The following SMG6 variants were observed in gnomAD, a reference collection of about 807,000 sequenced individuals.
SMG6 encodes SMG6 nonsense mediated mRNA decay factor.
Under a neutral mutation model 142.2 loss-of-function variants are expected in SMG6, and 66 were observed. The observed-to-expected ratio is 0.46, with a 90% CI of 0.38 to 0.57. The LOEUF is 0.57. SMG6 is among the 20% of genes least tolerant of loss of function. The pLI, the probability that SMG6 is intolerant of heterozygous loss-of-function variation, is 0.00. For synonymous variants in SMG6, 779 were observed against 702.4 expected, an observed-to-expected ratio of 1.11 and a Z score of -1.72; for missense variants, 1,793 against 1,832.0, an observed-to-expected ratio of 0.98 and a Z score of 0.39.
At position 2,240,104 on chromosome 17, in the gene SMG6, G is replaced by A. The variant is rs560449569; in HGVS notation, c.2724-3467C>T. On this transcript the variant is annotated intron_variant, in intron 9 of 18. Transcript: ENST00000263073. Reference sequence around the variant, plus strand: ...CCGACTGAGTACTTCTCCCGAATCCGAGATGACTCTGTCCCTATCCTTTAA... The same window carrying A: ...CCGACTGAGTACTTCTCCCGAATCCAAGATGACTCTGTCCCTATCCTTTAA... The A allele has an allele frequency of 1.5e-4, 23 of 152,340 alleles. No individual in the cohort carries two copies. In the East Asian group the frequency reaches 4.1e-3, roughly 27 times the overall value. 9.4% of individuals were successfully genotyped at this position (152,340 alleles called of 1,614,324 possible).
At chr17:2,193,699 A>T (rs185170945) in intron 10 of SMG6, among the ~76,000 whole-genome samples, 1 of 152,380 alleles carries the variant, frequency 6.6e-6, no homozygotes, top group African/African-American at 2.4e-5. Context: ...GGAAGAATAC[A>T]TACCTACTCA....
At chr17:2,088,712 GCA>G (rs1372050468) in intron 13 of SMG6, 3 of 985,292 alleles carry the variant, frequency 3.0e-6, no homozygotes, top group Non-Finnish European at 3.6e-6. Context: ...AGTGAGAAGT[GCA>G]CAGTCTGAGC....
rs566677037 is a variant in SMG6 at position 2,137,407 on chromosome 17, C to T, written c.3357+35251G>A. On this transcript the variant is annotated intron_variant, in intron 13 of 18. Transcript: ENST00000263073. ...GCTGCTATTCAGGTGCTCATGTTTT[C>T]GATGTGAGCCAAAGTGTCATTCCTT... is the stretch of plus-strand genomic sequence containing the variant. Among the ~76,000 whole-genome samples the T allele has an allele frequency of 2.0e-4, 31 of 152,150 alleles. 1 individual carries two copies. The East Asian group carries it at 5.6e-3, about 27-fold the overall frequency.
chr17:2,247,158 G>A (rs778942537), intron 8 of SMG6, among the ~76,000 whole-genome samples: 11 of 152,098 alleles, frequency 7.2e-5, no homozygotes, highest in Non-Finnish European at 1.2e-4. Flanking sequence ...CTTAGGCAAC[G>A]GATCTAAATG....
Position 2,298,190 on chromosome 17 carries a change from A to T in SMG6, c.1848-135T>A, listed in dbSNP as rs548986900. The stretch of plus-strand genomic sequence containing the variant: ...ATGTGACCAGGTAGGTATACTACTC[A>T]CTCTGGTTTCCATTCTGCAGAGCAG... On this transcript the variant is annotated intron_variant, in intron 2 of 18. Transcript: ENST00000263073. 28 of 703,834 alleles carry T rather than the reference A, an allele frequency of 4.0e-5. No homozygotes were observed. The African/African-American group carries it at 4.7e-4, about 12-fold the overall frequency. 43.6% of individuals were successfully genotyped at this position (703,834 alleles called of 1,614,324 possible).
rs1555528757 is a variant in SMG6, at chr17:2,061,464, A to AG, written c.*27_*28insC. Reference sequence around the variant, plus strand: ...CTGGTGGCCTTTCAGGAACGGTTCCACGGGGGGGGGGCCCCAGTGTGGCTC... The same window carrying AG: ...CTGGTGGCCTTTCAGGAACGGTTCCAGCGGGGGGGGGGCCCCAGTGTGGCTC... On this transcript the variant is annotated 3_prime_UTR_variant, in exon 19 of 19. Transcript: ENST00000263073. 1.6e-6 allele frequency: 2 copies of AG among 1,240,032 alleles called. No individual in the cohort carries two copies. Among genetic ancestry groups the AG allele is most frequent in the South Asian group, 2.6e-5 (2 of 77,634 alleles). The allele number at this position is 1,240,032 out of a possible 1,614,324, so 76.8% of individuals were successfully genotyped here. A position where few individuals can be genotyped will look rare whatever the true frequency, so the allele number is the denominator to read the frequency against.
chr17:2,145,100 T>C (rs1045376889), intron 13 of SMG6, among the ~76,000 whole-genome samples: 23 of 152,116 alleles, frequency 1.5e-4, no homozygotes, highest in Admixed American at 9.8e-4. Context: ...TAGCATTTTA[T>C]GTTATTTATT....
At chr17:2,228,288 G>A (rs1399278519) in intron 10 of SMG6, among the ~76,000 whole-genome samples, 1 of 152,044 alleles carries the variant, frequency 6.6e-6, no homozygotes, top group Non-Finnish European at 1.5e-5. Context: ...GAGTACAGTG[G>A]CACAATCTTG....
intron 10 of SMG6, among the ~76,000 whole-genome samples, chr17:2,211,691 C>T (rs1377044877): frequency 6.7e-6 from 1 of 149,014 alleles, no homozygotes; most frequent in African/African-American, 2.5e-5. Flanking sequence ...AAAGGGCGTT[C>T]TTTGACCTTC....
chr17:2,160,070 G>C (rs2071127839), intron 13 of SMG6, among the ~76,000 whole-genome samples: 1 of 152,088 alleles, frequency 6.6e-6, no homozygotes, highest in Admixed American at 6.6e-5. Context: ...TCTATACCTT[G>C]ATTGAAGTGG....
At chr17:2,234,618 G>A (rs2073596806) in intron 10 of SMG6, among the ~76,000 whole-genome samples, 1 of 152,100 alleles carries the variant, frequency 6.6e-6, no homozygotes, top group Admixed American at 6.6e-5. Context: ...AGACTCACTG[G>A]TGGCCTATTA....
chr17:2,230,321 AAAAAAAAAAAAAAAAG>A lies in SMG6; in HGVS notation c.2869+6155_2869+6170del, dbSNP rs1248664496. On this transcript the variant is annotated intron_variant, in intron 10 of 18. Coordinates refer to ENST00000263073, the MANE Select transcript of SMG6 (RefSeq NM_017575.5). Reference sequence around the variant, plus strand: ...ATGTCGGGGCAAAAAAAAAAAAAAAAAAAAAAAAAAAAAAAGGGAAAACCACAAACAATCAAATTGA... The same window carrying A: ...ATGTCGGGGCAAAAAAAAAAAAAAAAGGAAAACCACAAACAATCAAATTGA... 2.0e-3 allele frequency among the ~76,000 whole-genome samples: 238 copies of A among 118,308 alleles called. 9 individuals carry two copies. Among genetic ancestry groups the A allele is most frequent in the East Asian group, 5.3e-3 (21 of 3,990 alleles). The allele number at this position is 118,308 out of a possible 152,430, so 77.6% of individuals were successfully genotyped here. A position where few individuals can be genotyped will look rare whatever the true frequency, so the allele number is the denominator to read the frequency against.
At chr17:2,172,900 G>GA in intron 12 of SMG6, 41 bp from the exon 13 acceptor site, 1 of 1,573,634 alleles carries the variant, frequency 6.4e-7, no homozygotes, top group Non-Finnish European at 8.7e-7. Flanking sequence ...TCTAAAGAGG[G>GA]ACCAGTAAAA....
rs57628038 is a variant in SMG6 at position 2,275,006 on chromosome 17, C to CAAAAAA, written c.2661+7635_2661+7640dup. Among the ~76,000 whole-genome samples the CAAAAAA allele has an allele frequency of 5.2e-5, 6 of 115,948 alleles. No individual in the cohort carries two copies. In the East Asian group the frequency reaches 1.7e-3, roughly 32 times the overall value. 76.1% of individuals were successfully genotyped at this position (115,948 alleles called of 152,430 possible). On this transcript the variant is annotated intron_variant, in intron 8 of 18. Coordinates refer to ENST00000263073, the MANE Select transcript of SMG6 (RefSeq NM_017575.5). ...TGGAATAAGCATAAAAAAGCATGGG[C>CAAAAAA]AAAAAAAAAAAAAAAAATAGGCGTG...
chr17:2,247,426 C>T (rs912711621), intron 8 of SMG6, among the ~76,000 whole-genome samples: 3 of 152,180 alleles, frequency 2.0e-5, no homozygotes, highest in African/African-American at 7.2e-5. Flanking sequence ...CATTCATAAT[C>T]AGAAGGAATC....
rs74894906 is a variant in SMG6, at chr17:2,195,730, T to C, written c.2870-7215A>G. 8.5e-3 allele frequency among the ~76,000 whole-genome samples: 1,290 copies of C among 152,200 alleles called. 10 individuals are homozygous for C. The highest frequency in any genetic ancestry group is 0.013 in the Non-Finnish European group (870 of 68,022). ...TTATCTCAAAGCTTTACAAAAGGATTGCCTGAGTATTATTCTCCTTTTTGA... is the reference window on the plus strand; with the variant it reads ...TTATCTCAAAGCTTTACAAAAGGATCGCCTGAGTATTATTCTCCTTTTTGA... On this transcript the variant is annotated intron_variant, in intron 10 of 18. Coordinates refer to ENST00000263073, the MANE Select transcript of SMG6 (RefSeq NM_017575.5).
chr17:2,258,055 A>T (rs2074231268), intron 8 of SMG6, among the ~76,000 whole-genome samples: 1 of 129,162 alleles, frequency 7.7e-6, no homozygotes, highest in Non-Finnish European at 1.7e-5. Flanking sequence ...ACACACACAC[A>T]CACACACACA....
At chr17:2,137,115 G>A (rs900181562) in intron 13 of SMG6, among the ~76,000 whole-genome samples, 4 of 152,112 alleles carry the variant, frequency 2.6e-5, no homozygotes, top group Non-Finnish European at 2.9e-5. Context: ...TGCAGTGAGC[G>A]CAGATCCCGC....
intron 8 of SMG6, among the ~76,000 whole-genome samples, chr17:2,248,929 C>T (rs2073982095): frequency 6.6e-6 from 1 of 152,062 alleles, no homozygotes; most frequent in Admixed American, 6.6e-5. Flanking sequence ...CTCTTTCACC[C>T]AGGCTGGAGT....
Sources: gnomAD v4.1 joint callset for allele counts (sites outside exome capture counted in the v4.1 genomes callset) on GRCh38, gnomAD v4.1.1 for gene constraint, MANE v1.5 for transcripts, NCBI Gene and HGNC (gene_info 2026-07-23, HGNC 2026-07-21) for gene names.